Variants in SHANK2 observed in about 807,000 individuals in gnomAD.
The protein encoded by SHANK2 is SH3 and multiple ankyrin repeat domains 2.
SHANK2 carries 43 observed loss-of-function variants against 133.7 expected under a neutral mutation model. That is an observed-to-expected ratio of 0.32 (90% CI 0.25 to 0.41). The LOEUF is 0.41. Ranked by LOEUF, SHANK2 falls within the 10% of genes least tolerant of loss-of-function variation. SHANK2 has a pLI of 1.00. For missense variants in SHANK2, 1,994 were observed against 2,235.8 expected (o/e 0.89, Z 2.18); for synonymous variants, 1,017 against 952.8 (o/e 1.07, Z -1.24).
intron 10 of SHANK2, among the ~76,000 whole-genome samples, chr11:70,915,154 C>T (rs1158577035): frequency 1.3e-5 from 2 of 152,116 alleles, no homozygotes; most frequent in African/African-American, 2.4e-5. Flanking sequence ...CACGTTCATC[C>T]TCAGCTCCCA....
At chr11:71,230,259 C>T (rs531351743) in intron 1 of SHANK2, among the ~76,000 whole-genome samples, 2 of 152,116 alleles carry the variant, frequency 1.3e-5, no homozygotes, top group East Asian at 3.9e-4. Flanking sequence ...TGCACTCCAG[C>T]CTCCAACCTG....
intron 2 of SHANK2, among the ~76,000 whole-genome samples, chr11:71,207,271 C>T (rs190253262): frequency 4.0e-5 from 6 of 151,158 alleles, no homozygotes; most frequent in East Asian, 1.9e-4. Flanking sequence ...CCTCTGCCTC[C>T]GGGGTTCAAG....
At chr11:70,759,277 T>G (rs1555039678) in intron 14 of SHANK2, among the ~76,000 whole-genome samples, 1 of 151,604 alleles carries the variant, frequency 6.6e-6, no homozygotes, top group Admixed American at 6.6e-5. Context: ...GCAAATCACT[T>G]GAGGTCAGGA....
At chr11:70,820,703 A>G in intron 11 of SHANK2, 21 bp from the exon 12 acceptor site, 1 of 648,598 alleles carries the variant, frequency 1.5e-6, no homozygotes. Context: ...GGACATGGAG[A>G]GAGGCCGGTG....
intron 10 of SHANK2, among the ~76,000 whole-genome samples, chr11:70,906,201 GGTGCCACAAAGC>G (rs1226608244): frequency 3.9e-5 from 6 of 152,320 alleles, no homozygotes; most frequent in South Asian, 2.1e-4. Flanking sequence ...GCTCCGACAA[GGTGCCACAAAGC>G]CCTGCCTTCC....
At chr11:71,172,762 C>T (rs1304812788) in intron 2 of SHANK2, among the ~76,000 whole-genome samples, 2 of 152,204 alleles carry the variant, frequency 1.3e-5, no homozygotes, top group African/African-American at 4.8e-5. Flanking sequence ...AACAGTCAGA[C>T]TGCCACCCAG....
intron 9 of SHANK2, among the ~76,000 whole-genome samples, chr11:71,071,397 C>A (rs938816891): frequency 6.6e-6 from 1 of 152,334 alleles, no homozygotes; most frequent in East Asian, 1.9e-4. Context: ...AGCTGAAATG[C>A]CACCCAACCG....
intron 17 of SHANK2, 95 bp downstream of exon 17, chr11:70,659,733 A>G (rs2061456671): frequency 6.7e-7 from 1 of 1,499,224 alleles, no homozygotes; most frequent in African/African-American, 1.4e-5. Context: ...GCACCCCCAG[A>G]CTGGGCCTCG....
intron 2 of SHANK2, among the ~76,000 whole-genome samples, chr11:71,212,801 G>A (rs1360285347): frequency 2.0e-5 from 3 of 152,186 alleles, no homozygotes; most frequent in Non-Finnish European, 4.4e-5. Flanking sequence ...CCCTGCTCTG[G>A]TAGGAGAGGT....
At chr11:70,662,108 C>T (rs1188153997) in intron 15 of SHANK2, 2 of 410,774 alleles carry the variant, frequency 4.9e-6, no homozygotes, top group East Asian at 1.0e-4. Flanking sequence ...TTGTCCCGAC[C>T]ACACGCATCT....
intron 10 of SHANK2, among the ~76,000 whole-genome samples, chr11:70,919,259 C>G (rs1229312259): frequency 6.6e-6 from 1 of 152,182 alleles, no homozygotes; most frequent in African/African-American, 2.4e-5. Context: ...CACATGCTGA[C>G]CATCTTTTTG....
intron 14 of SHANK2, among the ~76,000 whole-genome samples, chr11:70,761,767 G>A (rs186553265): frequency 1.3e-5 from 2 of 152,356 alleles, no homozygotes; most frequent in East Asian, 1.9e-4. Flanking sequence ...CATGGGCCAC[G>A]TTGAGTGGCA....
intron 3 of SHANK2, among the ~76,000 whole-genome samples, chr11:71,136,659 C>T (rs1157218841): frequency 4.6e-5 from 7 of 152,194 alleles, no homozygotes; most frequent in South Asian, 2.1e-4. Flanking sequence ...TCAAAGAAAT[C>T]AGGCACAGAA....
At chr11:70,540,555 CG>C (rs59684937) in intron 17 of SHANK2, among the ~76,000 whole-genome samples, 73,934 of 151,876 alleles carry the variant, frequency 0.49, 19,057 homozygotes, top group East Asian at 0.81. Context: ...CGATTAGCGA[CG>C]GGGGGTGAGC....
intron 17 of SHANK2, among the ~76,000 whole-genome samples, chr11:70,619,366 T>C (rs146643364): frequency 0.013 from 2,023 of 152,240 alleles, 43 homozygotes; most frequent in African/African-American, 0.047. Context: ...TGGGGACCCC[T>C]GGCGTTCCTT....
At chr11:70,776,660 A>G (rs1320860734) in intron 14 of SHANK2, among the ~76,000 whole-genome samples, 1 of 151,918 alleles carries the variant, frequency 6.6e-6, no homozygotes, top group Non-Finnish European at 1.5e-5. Context: ...TCCCCAAGCA[A>G]AGCCCATCCA....
At position 70,657,429 on chromosome 11, in the gene SHANK2, G is replaced by A. The variant is rs150110985; in HGVS notation, c.2061+2399C>T. On this transcript the variant is annotated intron_variant, in intron 17 of 25. Transcript: ENST00000601538. ...ATGCTATACAAGATTTTAATATTCC[G>A]GTGGCAAAATCCAGTCGCTAGGAAC... 6.3e-3 allele frequency among the ~76,000 whole-genome samples: 959 copies of A among 152,258 alleles called. 3 individuals carry two copies. The highest frequency in any genetic ancestry group is 0.012 in the African/African-American group (506 of 41,544).
chr11:70,684,293 G>A (rs1409610267), intron 15 of SHANK2, among the ~76,000 whole-genome samples: 6 of 152,096 alleles, frequency 3.9e-5, no homozygotes, highest in African/African-American at 9.7e-5. Flanking sequence ...GGCTGGGCAC[G>A]GCGCATGCAT....
intron 10 of SHANK2, among the ~76,000 whole-genome samples, chr11:70,917,675 TA>T (rs1294411748): frequency 6.6e-6 from 1 of 152,138 alleles, no homozygotes; most frequent in South Asian, 2.1e-4. Flanking sequence ...TACGCAGCCA[TA>T]AAAAAGAACA....
Sources: gnomAD v4.1 joint callset for allele counts (sites outside exome capture counted in the v4.1 genomes callset) on GRCh38, gnomAD v4.1.1 for gene constraint, MANE v1.5 for transcripts, NCBI Gene and HGNC (gene_info 2026-07-23, HGNC 2026-07-21) for gene names.